DAB1: variants seen among roughly 807,000 people sequenced by gnomAD.
DAB1 encodes the protein DAB adaptor protein 1.
In DAB1, 15 loss-of-function variants were observed where a neutral mutation model predicts 64.6. That is an observed-to-expected ratio of 0.23 (90% CI 0.16 to 0.36). The LOEUF (loss-of-function observed/expected upper bound fraction) is 0.36. Among genes scored for constraint, DAB1 ranks in the 10% least tolerant of loss-of-function variants. The pLI, the probability that DAB1 is intolerant of heterozygous loss-of-function variation, is 1.00. For missense variants in DAB1, 596 were observed against 706.7 expected (o/e 0.84, Z 1.78); for synonymous variants, 235 against 251.9 (o/e 0.93, Z 0.64).
intron 2 of DAB1, among the ~76,000 whole-genome samples, chr1:57,165,163 T>C (rs1400980909): frequency 6.6e-6 from 1 of 152,178 alleles, no homozygotes; most frequent in Non-Finnish European, 1.5e-5. Context: ...CAACATGGCT[T>C]AGCATTTAAT....
At chr1:58,158,999 C>A (rs1655367601) in intron 4 of DAB1, among the ~76,000 whole-genome samples, 1 of 152,180 alleles carries the variant, frequency 6.6e-6, no homozygotes, top group Non-Finnish European at 1.5e-5. Flanking sequence ...ACACAATAAT[C>A]ACATGACCTT....
intron 2 of DAB1, among the ~76,000 whole-genome samples, chr1:57,152,926 A>C (rs1659832345): frequency 6.6e-6 from 1 of 152,152 alleles, no homozygotes; most frequent in South Asian, 2.1e-4. Context: ...TTTTACAATC[A>C]CATACCACTA....
At position 58,090,814 on chromosome 1, in the gene DAB1, G is replaced by A. The variant is rs534399414; in HGVS notation, n.387+59697C>T. On this transcript the variant is annotated intron_variant and non_coding_transcript_variant, in intron 5 of 20. Transcript: ENST00000485760. ...ACAAGGAGGCAATTTCTCTGTCAGA[G>A]CAAGCACAGAGAAAGGATAATTTGG... Among the ~76,000 whole-genome samples, 6 of 152,326 alleles carry A rather than the reference G, an allele frequency of 3.9e-5. No homozygotes were observed. In the East Asian group the frequency reaches 1.2e-3, roughly 29 times the overall value.
chr1:57,413,419 G>C (rs1161757711), intron 1 of DAB1, among the ~76,000 whole-genome samples: 1 of 152,132 alleles, frequency 6.6e-6, no homozygotes, highest in African/African-American at 2.4e-5. Flanking sequence ...AGATCTTGGT[G>C]AAATAATTTT....
chr1:57,022,587 A>G (rs1463344504), intron 11 of DAB1, among the ~76,000 whole-genome samples: 1 of 152,254 alleles, frequency 6.6e-6, no homozygotes, highest in Non-Finnish European at 1.5e-5. Context: ...ATTTACTTTG[A>G]ATAAAAGCAC....
chr1:57,141,784 T>C (rs80297018), intron 3 of DAB1, among the ~76,000 whole-genome samples: 3,533 of 152,254 alleles, frequency 0.023, 115 homozygotes, highest in East Asian at 0.17. Flanking sequence ...CAATGGTGCA[T>C]GATGTGACTA....
chr1:57,931,635 C>A (rs1217488401), intron 5 of DAB1, among the ~76,000 whole-genome samples: 3 of 152,144 alleles, frequency 2.0e-5, no homozygotes, highest in Non-Finnish European at 2.9e-5. Flanking sequence ...TTTGTAGGCC[C>A]AGAATTCTTC....
chr1:57,609,325 T>C (rs1645697763), intron 7 of DAB1, among the ~76,000 whole-genome samples: 2 of 152,244 alleles, frequency 1.3e-5, no homozygotes, highest in African/African-American at 4.8e-5. Flanking sequence ...AGCAATATAG[T>C]ACAACTATTC....
At chr1:57,783,358 T>C (rs959243939) in intron 6 of DAB1, among the ~76,000 whole-genome samples, 1 of 152,056 alleles carries the variant, frequency 6.6e-6, no homozygotes, top group Non-Finnish European at 1.5e-5. Flanking sequence ...CATCTTGGTC[T>C]CCCAAAGTGT....
At chr1:58,484,083 C>T (rs1645534436) in intron 3 of DAB1, among the ~76,000 whole-genome samples, 1 of 152,140 alleles carries the variant, frequency 6.6e-6, no homozygotes, top group Non-Finnish European at 1.5e-5. Context: ...CTTAAATTCG[C>T]TTATTCAGTC....
At chr1:58,016,937 G>A (rs947558345) in intron 5 of DAB1, among the ~76,000 whole-genome samples, 6 of 152,046 alleles carry the variant, frequency 3.9e-5, no homozygotes, top group African/African-American at 7.2e-5. Context: ...ACTTTACAGC[G>A]AGCGCTCTGA....
intron 7 of DAB1, among the ~76,000 whole-genome samples, chr1:57,577,490 A>T (rs1455504045): frequency 6.6e-6 from 1 of 152,014 alleles, no homozygotes; most frequent in Non-Finnish European, 1.5e-5. Flanking sequence ...TTAATTGATT[A>T]CCGAACACTA....
intron 1 of DAB1, among the ~76,000 whole-genome samples, chr1:57,853,020 A>C (rs1653601949): frequency 6.6e-6 from 1 of 152,170 alleles, no homozygotes; most frequent in African/African-American, 2.4e-5. Flanking sequence ...ACCACAGTTT[A>C]TCCTTTTTTT....
At chr1:58,317,592 C>A (rs143570862) in intron 4 of DAB1, among the ~76,000 whole-genome samples, 131 of 152,306 alleles carry the variant, frequency 8.6e-4, no homozygotes, top group African/African-American at 3.0e-3. Context: ...CAGCAAGGAA[C>A]CAAGGACCAC....
chr1:57,743,458 T>C (rs1364276446), intron 6 of DAB1, among the ~76,000 whole-genome samples: 1 of 152,248 alleles, frequency 6.6e-6, no homozygotes, highest in Non-Finnish European at 1.5e-5. Flanking sequence ...CACCCTTTGC[T>C]GACTCTCTTT....
At chr1:57,158,718 TTAAC>T (rs1341153092) in intron 2 of DAB1, among the ~76,000 whole-genome samples, 1 of 152,138 alleles carries the variant, frequency 6.6e-6, no homozygotes, top group Non-Finnish European at 1.5e-5. Context: ...TTTTATGTAA[TTAAC>T]TAGCTGGGTA....
intron 1 of DAB1, among the ~76,000 whole-genome samples, chr1:57,847,300 T>C (rs1190694210): frequency 6.9e-6 from 1 of 145,468 alleles, no homozygotes; most frequent in Admixed American, 6.8e-5. Context: ...ACTACAAAGA[T>C]AAGATAGCCT....
chr1:58,525,868 T>A (rs1336472634), intron 2 of DAB1, among the ~76,000 whole-genome samples: 1 of 151,978 alleles, frequency 6.6e-6, no homozygotes, highest in African/African-American at 2.4e-5. Flanking sequence ...AACAAGCCAA[T>A]GGAACAGAAT....
chr1:57,210,571 T>C (rs979612372), intron 2 of DAB1, among the ~76,000 whole-genome samples: 2 of 152,144 alleles, frequency 1.3e-5, no homozygotes, highest in African/African-American at 4.8e-5. Flanking sequence ...AAAGGCCTCA[T>C]TCATCAACTT....
Sources: allele counts gnomAD v4.1 joint callset (sites outside exome capture counted in the v4.1 genomes callset), GRCh38; gene constraint gnomAD v4.1.1; transcripts MANE v1.5; gene names NCBI Gene and HGNC (gene_info 2026-07-23, HGNC 2026-07-21).